Variants in SPICE1 observed in about 807,000 individuals in gnomAD.
SPICE1 encodes spindle and centriole associated protein 1.
A neutral mutation model predicts 102.7 loss-of-function variants in SPICE1; 75 were observed. The ratio of observed to expected loss-of-function variants is 0.73; its 90% confidence interval spans 0.61 to 0.88. The LOEUF (loss-of-function observed/expected upper bound fraction) is 0.88, where lower values mean the gene tolerates loss of function less well. Among genes scored for constraint, SPICE1 ranks in the 40% least tolerant of loss-of-function variants. The pLI, the probability that SPICE1 is intolerant of heterozygous loss-of-function variation, is 0.00. For synonymous variants in SPICE1, 308 were observed against 350.3 expected (o/e 0.88, Z 1.35); for missense variants, 979 against 1,020.1 (o/e 0.96, Z 0.55).
chr3:113,510,349 T>A (rs546971354), intron 1 of SPICE1, among the ~76,000 whole-genome samples: 1 of 152,326 alleles, frequency 6.6e-6, no homozygotes, highest in African/African-American at 2.4e-5. Flanking sequence ...GTTGGAGGCA[T>A]CATGCTACCC....
intron 7 of SPICE1, among the ~76,000 whole-genome samples, chr3:113,486,156 C>CATATATATATATATATATAT (rs61506451): frequency 2.4e-4 from 34 of 142,024 alleles, no homozygotes; most frequent in East Asian, 2.3e-3. Context: ...CCTAAATGAC[C>CATATATATATATATATATAT]ATATATATAT....
intron 7 of SPICE1, among the ~76,000 whole-genome samples, chr3:113,471,754 T>C (rs1190422416): frequency 2.0e-5 from 3 of 151,988 alleles, no homozygotes; most frequent in East Asian, 1.9e-4. Context: ...AATAGGAACA[T>C]AGAAAAGCTC....
chr3:113,462,914 T>C lies in SPICE1; in HGVS notation c.1288-2150A>G, dbSNP rs144011159. Among the ~76,000 whole-genome samples, 86 of 152,314 alleles carry C rather than the reference T, an allele frequency of 5.6e-4. 1 individual carries two copies. The highest frequency in any genetic ancestry group is 1.8e-3 in the African/African-American group (75 of 41,560). On this transcript the variant is annotated intron_variant, in intron 11 of 17. Transcript: ENST00000295872. The stretch of plus-strand genomic sequence containing the variant: ...TCTTTAACCATCATGCAAGGCGCTA[T>C]GTAATTGGGCTTACCTGATCTTGTC...
intron 12 of SPICE1, among the ~76,000 whole-genome samples, 169 bp from the exon 13 acceptor site, chr3:113,457,526 T>C (rs1442256075): frequency 1.3e-5 from 2 of 152,206 alleles, no homozygotes; most frequent in African/African-American, 2.4e-5. Context: ...CAATCATTCA[T>C]GGGCAGGCTC....
Position 113,450,513 on chromosome 3 carries a change from A to C in SPICE1, c.2146T>G (p.Phe716Val). ...QESASDMTST[F>V]PVAQSLTPGS... ...GGTGTTAGAGACTGTGCTACTGGAA[A>C]AGTCTTTGGGAGAAAAAAAAAAAAA... The change falls in exon 15 of 18, where the codon TTT (phenylalanine) becomes GTT (valine). Residue 716 changes from phenylalanine to valine, a missense_variant. Physicochemically the swap from Phe to Val is conservative, Grantham distance 50. Transcript: ENST00000295872. 6.3e-7 allele frequency: 1 copy of C among 1,589,216 alleles called. No individual in the cohort carries two copies.
chr3:113,452,815 T>C (rs2107445626), intron 14 of SPICE1, among the ~76,000 whole-genome samples: 2 of 151,214 alleles, frequency 1.3e-5, no homozygotes, highest in Admixed American at 1.3e-4. Context: ...CCGTCTCTAC[T>C]AAAAATACAA....
rs375769648 is a variant in SPICE1, at chr3:113,453,836, T to C, written c.1772A>G (p.Gln591Arg). 431 of 1,614,226 alleles carry C rather than the reference T, an allele frequency of 2.7e-4. 5 individuals are homozygous for C. In the South Asian group the frequency reaches 4.4e-3, roughly 16 times the overall value. The change falls in exon 14 of 18, where the codon CAG (glutamine) becomes CGG (arginine). Residue 591 changes from glutamine (Q) to arginine (R), a missense_variant. By Grantham distance (43) the Gln-to-Arg change is conservative. Coordinates refer to ENST00000295872, the MANE Select transcript of SPICE1 (RefSeq NM_144718.4). ...EKTLPIDTDI[Q>R]NSSEENRLFT... is the part of the protein sequence containing the mutation. ...GAGACGATTCTCTTCACTTGAATTC[T>C]GAATGTCTGTATCAATAGGTAAGGT... is the stretch of plus-strand genomic sequence containing the variant.
chr3:113,491,624 C>CAAAAAAGA (rs1936768862), intron 6 of SPICE1, among the ~76,000 whole-genome samples: 1 of 38,102 alleles, frequency 2.6e-5, no homozygotes, highest in Non-Finnish European at 5.6e-5. Context: ...GACTCCGTCT[C>CAAAAAAGA]AAAAAAAAAA....
chr3:113,450,569 C>T lies in SPICE1; in HGVS notation c.2143-53G>A, dbSNP rs1397666358. 1.0e-4 allele frequency: 151 copies of T among 1,485,608 alleles called. 2 individuals are homozygous for T. The East Asian group carries it at 3.5e-3, about 34-fold the overall frequency. 92.0% of individuals were successfully genotyped at this position (1,485,608 alleles called of 1,614,324 possible). ...AATTGAATACTGAATACTGAAAAATCTCTCCCACGATTTTTTTTTTTTTTT... is the reference window on the plus strand; with the variant it reads ...AATTGAATACTGAATACTGAAAAATTTCTCCCACGATTTTTTTTTTTTTTT... On this transcript the variant is annotated intron_variant, in intron 14 of 17. Coordinates refer to ENST00000295872, the MANE Select transcript of SPICE1 (RefSeq NM_144718.4).
At position 113,451,416 on chromosome 3, in the gene SPICE1, A is replaced by G. The variant is rs539668289; in HGVS notation, c.2143-900T>C. Among the ~76,000 whole-genome samples, 3 of 152,332 alleles carry G rather than the reference A, an allele frequency of 2.0e-5. No individual in the cohort carries two copies. In the East Asian group the frequency reaches 5.8e-4, roughly 29 times the overall value. ...CTAGTTATTTCATTTCTCTTTGGAA[A>G]AAAATAATCCCTAATAAAAATCACT... On this transcript the variant is annotated intron_variant, in intron 14 of 17. Transcript: ENST00000295872.
chr3:113,507,729 T>C (rs1464465916), intron 1 of SPICE1, among the ~76,000 whole-genome samples: 2 of 152,196 alleles, frequency 1.3e-5, no homozygotes, highest in East Asian at 3.8e-4. Context: ...GTGGTAATGA[T>C]GGCATCAGCT....
rs562655354 is a variant in SPICE1 at position 113,457,506 on chromosome 3, C to T, written c.1436-149G>A. Reference sequence around the variant, plus strand: ...GGAGCCTTCACTTTCTAGGCTGTATCCTCCTCTGCCAATCATTCATGGGCA... The same window carrying T: ...GGAGCCTTCACTTTCTAGGCTGTATTCTCCTCTGCCAATCATTCATGGGCA... On this transcript the variant is annotated intron_variant, in intron 12 of 17. Transcript: ENST00000295872. 1.0e-3 allele frequency: 742 copies of T among 745,658 alleles called. 2 individuals are homozygous for T. Among genetic ancestry groups the T allele is most frequent in the South Asian group, 1.8e-3 (96 of 52,424 alleles). 46.2% of individuals were successfully genotyped at this position (745,658 alleles called of 1,614,324 possible). A position where few individuals can be genotyped will look rare whatever the true frequency, so the allele number is the denominator to read the frequency against.
chr3:113,491,736 T>C lies in SPICE1; in HGVS notation c.492+1470A>G, dbSNP rs539890987. On this transcript the variant is annotated intron_variant, in intron 6 of 17. Transcript: ENST00000295872. The stretch of plus-strand genomic sequence containing the variant: ...AGGTATCCTCTCTCTCCTCCCTCAC[T>C]GCCATTTTTCTCTGCTACCTCTGCT... Among the ~76,000 whole-genome samples, 3 of 151,886 alleles carry C rather than the reference T, an allele frequency of 2.0e-5. No homozygotes were observed. The South Asian group carries it at 6.2e-4, about 32-fold the overall frequency.
chr3:113,448,015 T>C (rs370220265), intron 16 of SPICE1, 23 bp downstream of exon 16: 3 of 1,544,512 alleles, frequency 1.9e-6, no homozygotes, highest in Non-Finnish European at 2.6e-6. Flanking sequence ...TTTTTTTAAA[T>C]AAATATTCAC....
chr3:113,446,716 T>C (rs368835603), intron 16 of SPICE1, 40 bp from the exon 17 acceptor site: 77 of 1,471,770 alleles, frequency 5.2e-5, no homozygotes, highest in Middle Eastern at 1.7e-4. Flanking sequence ...GAGTGAGCTA[T>C]CATTATTAAC....
chr3:113,485,274 T>C (rs1391624932), intron 7 of SPICE1, among the ~76,000 whole-genome samples: 2 of 151,286 alleles, frequency 1.3e-5, no homozygotes, highest in African/African-American at 4.9e-5. Flanking sequence ...GGCAGCCAAG[T>C]GGTCTGGCTC....
At chr3:113,470,559 G>C (rs1046386633) in intron 7 of SPICE1, among the ~76,000 whole-genome samples, 11 of 152,100 alleles carry the variant, frequency 7.2e-5, no homozygotes, top group African/African-American at 2.7e-4. Context: ...ATGAAGGAAG[G>C]GTGCTAGACT....
chr3:113,471,575 G>A (rs543576873), intron 7 of SPICE1, among the ~76,000 whole-genome samples: 1 of 152,298 alleles, frequency 6.6e-6, no homozygotes, highest in Admixed American at 6.5e-5. Context: ...ATCAAGTTCT[G>A]TTGTTTTAAG....
intron 12 of SPICE1, among the ~76,000 whole-genome samples, chr3:113,458,881 A>G (rs1246107793): frequency 1.3e-5 from 2 of 151,522 alleles, no homozygotes; most frequent in Non-Finnish European, 2.9e-5. Context: ...GGAAGTGAGG[A>G]GCCCCTCTGC....
Sources: allele counts gnomAD v4.1 joint callset (sites outside exome capture counted in the v4.1 genomes callset), GRCh38; gene constraint gnomAD v4.1.1; transcripts MANE v1.5; gene names NCBI Gene and HGNC (gene_info 2026-07-23, HGNC 2026-07-21).